The following MALRD1 variants were observed in gnomAD, a reference collection of about 807,000 sequenced individuals.
MALRD1 encodes the protein MAM and LDL-receptor class A domain-containing protein 1.
MALRD1 carries 247 observed loss-of-function variants against 242.1 expected under a neutral mutation model. The ratio of observed to expected loss-of-function variants is 1.02; its 90% CI spans 0.92 to 1.13. The LOEUF (loss-of-function observed/expected upper bound fraction) is 1.13. Among genes scored for constraint, MALRD1 ranks in the 50% most tolerant of loss-of-function variants. The probability of loss-of-function intolerance (pLI) is 0.00; values close to 1 mark genes in which losing one functional copy is unlikely to be tolerated. For missense variants in MALRD1, 2,989 were observed against 2,533.1 expected (o/e 1.18, Z -3.86); for synonymous variants, 995 against 866.6 (o/e 1.15, Z -2.60).
chr10:19,351,418 G>T (rs1012282653), intron 25 of MALRD1, among the ~76,000 whole-genome samples: 1 of 152,070 alleles, frequency 6.6e-6, no homozygotes, highest in Non-Finnish European at 1.5e-5. Flanking sequence ...AGCTCCGTGG[G>T]TTGCTCTGTG....
intron 26 of MALRD1, among the ~76,000 whole-genome samples, chr10:19,381,952 G>T (rs985568251): frequency 6.6e-6 from 1 of 151,996 alleles, no homozygotes; most frequent in East Asian, 1.9e-4. Context: ...CAGATTCTGT[G>T]GTATGTATTA....
intron 29 of MALRD1, among the ~76,000 whole-genome samples, chr10:19,471,486 G>A (rs190923915): frequency 6.6e-6 from 1 of 151,866 alleles, no homozygotes; most frequent in East Asian, 1.9e-4. Context: ...TTAGAATTTG[G>A]ATGTGGATTG....
intron 32 of MALRD1, among the ~76,000 whole-genome samples, chr10:19,533,460 C>T (rs1312853231): frequency 6.6e-6 from 1 of 151,922 alleles, no homozygotes; most frequent in African/African-American, 2.4e-5. Flanking sequence ...TTAGATCATT[C>T]TTGTGTTGCT....
At chr10:19,135,497 G>T (rs1461352332) in intron 9 of MALRD1, among the ~76,000 whole-genome samples, 1 of 152,108 alleles carries the variant, frequency 6.6e-6, no homozygotes, top group African/African-American at 2.4e-5. Flanking sequence ...GAAACTTTAA[G>T]CTGGATGAAA....
intron 31 of MALRD1, among the ~76,000 whole-genome samples, chr10:19,530,339 TTTATATAAATATATA>T (rs1834301739): frequency 1.5e-5 from 2 of 132,334 alleles, no homozygotes; most frequent in Non-Finnish European, 3.1e-5. Context: ...ATATATAATA[TTTATATAAATATATA>T]ATATTTATAT....
intron 33 of MALRD1, among the ~76,000 whole-genome samples, chr10:19,576,484 A>G (rs1460268369): frequency 6.6e-6 from 1 of 152,196 alleles, no homozygotes; most frequent in African/African-American, 2.4e-5. Context: ...TTCGTGTTGT[A>G]TAATATAGAG....
At chr10:19,425,727 G>A (rs184772822) in intron 28 of MALRD1, among the ~76,000 whole-genome samples, 32 of 152,258 alleles carry the variant, frequency 2.1e-4, no homozygotes, top group African/African-American at 6.7e-4. Context: ...GCCCGCGTTT[G>A]ACTCCATTTC....
At chr10:19,514,257 A>G (rs1433175602) in intron 31 of MALRD1, among the ~76,000 whole-genome samples, 3 of 152,220 alleles carry the variant, frequency 2.0e-5, no homozygotes, top group Non-Finnish European at 4.4e-5. Context: ...TACTACAACC[A>G]TCAGTTTCCT....
At chr10:19,719,209 T>TACACAC (rs1834592872) in intron 38 of MALRD1, among the ~76,000 whole-genome samples, 1 of 37,090 alleles carries the variant, frequency 2.7e-5, no homozygotes, top group African/African-American at 1.8e-4. Context: ...TATATATATA[T>TACACAC]ATACACATAC....
intron 36 of MALRD1, among the ~76,000 whole-genome samples, chr10:19,661,346 T>A (rs1172376856): frequency 2.0e-5 from 3 of 152,190 alleles, no homozygotes; most frequent in Non-Finnish European, 4.4e-5. Flanking sequence ...GTATGTTTAT[T>A]GCAGCACTAT....
At chr10:19,656,288 A>G (rs1030211432) in intron 36 of MALRD1, among the ~76,000 whole-genome samples, 5 of 152,136 alleles carry the variant, frequency 3.3e-5, no homozygotes, top group Non-Finnish European at 7.3e-5. Context: ...ATAAACTCAT[A>G]TTTGAAAAAT....
rs1414902778 is a variant in MALRD1, at chr10:19,191,918, A to G, written c.1952-11810A>G. On this transcript the variant is annotated intron_variant, in intron 14 of 39. Transcript: ENST00000454679. ...GAGGCTGAGGCAGGAGAATTGCTTG[A>G]ACCTGGGAAGCGGAGGTTGTAGTGA... is the stretch of plus-strand genomic sequence containing the variant. 2.0e-5 allele frequency among the ~76,000 whole-genome samples: 3 copies of G among 152,084 alleles called. No individual in the cohort carries two copies. The East Asian group carries it at 5.8e-4, about 29-fold the overall frequency.
chr10:19,445,340 T>G (rs918278424), intron 28 of MALRD1, among the ~76,000 whole-genome samples: 4 of 152,204 alleles, frequency 2.6e-5, no homozygotes, highest in African/African-American at 9.6e-5. Context: ...CCATCCACCT[T>G]TGTTCCGTTG....
chr10:19,402,850 A>T (rs996232838), intron 28 of MALRD1, among the ~76,000 whole-genome samples: 1 of 152,102 alleles, frequency 6.6e-6, no homozygotes, highest in Non-Finnish European at 1.5e-5. Context: ...AGATTTTGAC[A>T]TAACCAAATC....
intron 18 of MALRD1, among the ~76,000 whole-genome samples, chr10:19,247,735 G>A (rs903162788): frequency 1.3e-5 from 2 of 151,774 alleles, no homozygotes; most frequent in African/African-American, 4.8e-5. Flanking sequence ...AAGTGGACAG[G>A]AACTTGACAA....
At chr10:19,571,246 G>A (rs957149163) in intron 33 of MALRD1, among the ~76,000 whole-genome samples, 1 of 152,104 alleles carries the variant, frequency 6.6e-6, no homozygotes, top group African/African-American at 2.4e-5. Context: ...CTGTTCTGGA[G>A]CAAATGTTTA....
At chr10:19,593,927 T>A (rs1040036751) in intron 33 of MALRD1, among the ~76,000 whole-genome samples, 3 of 152,198 alleles carry the variant, frequency 2.0e-5, no homozygotes, top group African/African-American at 7.2e-5. Context: ...TGTGATTTTA[T>A]CTAGCTTTGG....
At chr10:19,629,804 A>G (rs1839827809) in intron 36 of MALRD1, among the ~76,000 whole-genome samples, 1 of 152,138 alleles carries the variant, frequency 6.6e-6, no homozygotes, top group Non-Finnish European at 1.5e-5. Context: ...TGGCCCTGGA[A>G]CGGCTGGCCA....
intron 31 of MALRD1, among the ~76,000 whole-genome samples, chr10:19,530,363 A>G (rs1289055531): frequency 4.6e-5 from 5 of 107,914 alleles, no homozygotes; most frequent in African/African-American, 1.2e-4. Context: ...TAATATTTAT[A>G]TAAATATTTA....
Sources: allele counts gnomAD v4.1 joint callset (sites outside exome capture counted in the v4.1 genomes callset), GRCh38; gene constraint gnomAD v4.1.1; transcripts MANE v1.5; gene names NCBI Gene and HGNC (gene_info 2026-07-23, HGNC 2026-07-21).